Variants in CDH19 observed in about 807,000 individuals in gnomAD.
The protein encoded by CDH19 is cadherin-19.
In CDH19, 67 loss-of-function variants were observed where a neutral mutation model predicts 64.2. The ratio of observed to expected loss-of-function variants is 1.04; its 90% CI spans 0.86 to 1.28. The LOEUF (loss-of-function observed/expected upper bound fraction) is 1.28. Ranked by LOEUF, CDH19 falls within the 50% of genes most tolerant of loss-of-function variation. The pLI is 0.00. For missense variants in CDH19, 1,030 were observed against 929.0 expected, an observed-to-expected ratio of 1.11 and a Z score of -1.41; for synonymous variants, 346 against 319.3, an observed-to-expected ratio of 1.08 and a Z score of -0.89.
At chr18:66,590,601 T>G (rs556148734) in intron 1 of CDH19, among the ~76,000 whole-genome samples, 1 of 151,852 alleles carries the variant, frequency 6.6e-6, no homozygotes, top group Non-Finnish European at 1.5e-5. Flanking sequence ...AAACTTTTCA[T>G]AATTTATTCT....
intron 1 of CDH19, among the ~76,000 whole-genome samples, chr18:66,586,261 A>T (rs1988575117): frequency 6.6e-6 from 1 of 152,086 alleles, no homozygotes; most frequent in Admixed American, 6.6e-5. Flanking sequence ...TGGTGATCAG[A>T]GAGTTCCAAA....
rs752575939 is a variant in CDH19 at position 66,509,040 on chromosome 18, T to C, written c.1783A>G (p.Thr595Ala). The change falls in exon 11 of 12, where the codon ACA (threonine) becomes GCA (alanine). Residue 595 changes from threonine (T) to alanine (A), a missense_variant. By Grantham distance (58) the Thr-to-Ala change is moderately conservative. Coordinates refer to ENST00000262150, the MANE Select transcript of CDH19 (RefSeq NM_021153.4). Reference sequence around the variant, plus strand: ...ATGAGAATAGCAATGATGACTTCTGTCTTGAATCCCATGGAAAGCACAAGC... The same window carrying C: ...ATGAGAATAGCAATGATGACTTCTGCCTTGAATCCCATGGAAAGCACAAGC... The part of the protein sequence containing the change: ...QELVLSMGFK[T>A]EVIIAILICI... The C allele has an allele frequency of 5.3e-5, 86 of 1,612,742 alleles. No homozygotes were observed. Among genetic ancestry groups the C allele is most frequent in the Non-Finnish European group, 7.2e-5 (85 of 1,179,270 alleles).
At chr18:66,579,908 A>C (rs997506179) in intron 1 of CDH19, among the ~76,000 whole-genome samples, 2 of 152,012 alleles carry the variant, frequency 1.3e-5, no homozygotes, top group African/African-American at 4.8e-5. Flanking sequence ...GCATATTGGT[A>C]TTAGAAATGA....
At chr18:66,556,419 C>T (rs986823362) in intron 3 of CDH19, among the ~76,000 whole-genome samples, 11 of 151,570 alleles carry the variant, frequency 7.3e-5, no homozygotes, top group Non-Finnish European at 1.5e-4. Flanking sequence ...ACTTACATAC[C>T]TCCATTTCCT....
chr18:66,590,442 A>C (rs1219877715), intron 1 of CDH19, among the ~76,000 whole-genome samples: 1 of 151,884 alleles, frequency 6.6e-6, no homozygotes. Context: ...GATTGGAATT[A>C]AGACAAAGAA....
At chr18:66,559,528 G>T (rs1041184736) in intron 3 of CDH19, among the ~76,000 whole-genome samples, 8 of 151,356 alleles carry the variant, frequency 5.3e-5, no homozygotes, top group Non-Finnish European at 8.8e-5. Flanking sequence ...TATTGGAAAA[G>T]AATAAATAAA....
intron 7 of CDH19, among the ~76,000 whole-genome samples, chr18:66,536,693 A>G (rs886405835): frequency 6.6e-6 from 1 of 151,780 alleles, no homozygotes; most frequent in African/African-American, 2.4e-5. Context: ...ATAAGCAGTG[A>G]TGTGTAATAT....
chr18:66,568,696 T>G lies in CDH19; in HGVS notation c.210A>C (p.Leu70Phe), dbSNP rs1311644026. ...ACTGGAAAGAATTGTTTCCATTGTCTAAATCAGATCTTAGCTGCAAATGGA... is the reference window on the plus strand; with the variant it reads ...ACTGGAAAGAATTGTTTCCATTGTCGAAATCAGATCTTAGCTGCAAATGGA... ...SHHIGQLRSD[L>F]DNGNNSFQYK... The change falls in exon 3 of 12, where the codon TTA becomes TTC. Residue 70 changes from leucine (L) to phenylalanine (F), a missense_variant. Physicochemically the swap from Leu to Phe is conservative, Grantham distance 22. Transcript: ENST00000262150. The G allele has an allele frequency of 6.2e-7, 1 of 1,604,852 alleles. No homozygotes were observed.
At chr18:66,581,862 T>C (rs1394979502) in intron 1 of CDH19, among the ~76,000 whole-genome samples, 1 of 152,110 alleles carries the variant, frequency 6.6e-6, no homozygotes, top group Non-Finnish European at 1.5e-5. Flanking sequence ...TATATGCATA[T>C]ATCATATTAG....
chr18:66,578,736 AC>A (rs1988337753), intron 1 of CDH19, among the ~76,000 whole-genome samples: 1 of 151,924 alleles, frequency 6.6e-6, no homozygotes, highest in South Asian at 2.1e-4. Flanking sequence ...ACAGAAAGAA[AC>A]TGGGAAAAGT....
chr18:66,508,012 T>C (rs1038290378), intron 11 of CDH19, among the ~76,000 whole-genome samples: 4 of 151,884 alleles, frequency 2.6e-5, no homozygotes, highest in African/African-American at 9.7e-5. Flanking sequence ...CATCAGTGAA[T>C]TAATGGATAA....
At chr18:66,516,554 T>C (rs1314871758) in intron 9 of CDH19, among the ~76,000 whole-genome samples, 4 of 152,026 alleles carry the variant, frequency 2.6e-5, no homozygotes. Flanking sequence ...ACCAAAGTAA[T>C]GTTTTTTCAC....
intron 2 of CDH19, among the ~76,000 whole-genome samples, chr18:66,571,616 C>A (rs1245144035): frequency 6.6e-6 from 1 of 151,516 alleles, no homozygotes; most frequent in Non-Finnish European, 1.5e-5. Flanking sequence ...TGGTATTAAC[C>A]TGCTTCATTA....
At chr18:66,536,312 G>T (rs1396473537) in intron 7 of CDH19, among the ~76,000 whole-genome samples, 1 of 151,644 alleles carries the variant, frequency 6.6e-6, no homozygotes, top group Non-Finnish European at 1.5e-5. Context: ...TTCAGATAAG[G>T]ACTCAATAGA....
At chr18:66,537,331 A>G (rs72954420) in intron 7 of CDH19, among the ~76,000 whole-genome samples, 2,486 of 151,910 alleles carry the variant, frequency 0.016, 29 homozygotes, top group Non-Finnish European at 0.027. Flanking sequence ...GCGTCTCTCA[A>G]TTTGGGTTTG....
chr18:66,555,919 C>A (rs896414494), intron 3 of CDH19, among the ~76,000 whole-genome samples: 2 of 151,668 alleles, frequency 1.3e-5, no homozygotes, highest in Admixed American at 1.3e-4. Context: ...TATTTCCTAT[C>A]TTTGGCTTCA....
chr18:66,567,684 C>T (rs1987959192), intron 3 of CDH19, among the ~76,000 whole-genome samples: 2 of 151,884 alleles, frequency 1.3e-5, no homozygotes, highest in South Asian at 2.1e-4. Context: ...TGGCCATTAT[C>T]AAGTCACATT....
At position 66,568,540 on chromosome 18, in the gene CDH19, G is replaced by A. The variant is rs781395608; in HGVS notation, c.366C>T (p.Ile122=). Residue 122 remains isoleucine (I), a synonymous_variant, in exon 3 of 12, where the codon ATC becomes ATT. Transcript: ENST00000262150. ...LYILRAQVID[I]ATGRAVEPES... is the part of the protein sequence containing the mutation. ...CAGGTTCCACAGCCCTTCCAGTAGCGATGTCTATTACCTGGGCTCTTAAGA... is the reference window on the plus strand; with the variant it reads ...CAGGTTCCACAGCCCTTCCAGTAGCAATGTCTATTACCTGGGCTCTTAAGA... The A allele has an allele frequency of 1.8e-5, 29 of 1,612,094 alleles. No individual in the cohort carries two copies. The highest frequency in any genetic ancestry group is 2.2e-5 in the Non-Finnish European group (26 of 1,178,900).
At chr18:66,527,631 T>A (rs1025256031) in intron 9 of CDH19, among the ~76,000 whole-genome samples, 1 of 151,982 alleles carries the variant, frequency 6.6e-6, no homozygotes, top group East Asian at 1.9e-4. Context: ...GCGCCTGTCA[T>A]CTCCACTACT....
Sources: gnomAD v4.1 joint callset for allele counts (sites outside exome capture counted in the v4.1 genomes callset) on GRCh38, gnomAD v4.1.1 for gene constraint, MANE v1.5 for transcripts, NCBI Gene and HGNC (gene_info 2026-07-23, HGNC 2026-07-21) for gene names.